The following NRXN2 variants were observed in gnomAD, a reference collection of about 807,000 sequenced individuals.
NRXN2 encodes the protein neurexin-2-beta.
Under a neutral mutation model 128.8 loss-of-function variants are expected in NRXN2, and 29 were observed. The ratio of observed to expected loss-of-function variants is 0.23; its 90% CI spans 0.17 to 0.31. NRXN2 has a LOEUF of 0.31. Among genes scored for constraint, NRXN2 ranks in the 10% least tolerant of loss-of-function variants. The pLI is 1.00. For synonymous variants in NRXN2, 1,098 were observed against 1,075.2 expected, an observed-to-expected ratio of 1.02 and a Z score of -0.41; for missense variants, 1,881 against 2,452.6, an observed-to-expected ratio of 0.77 and a Z score of 4.92.
chr11:64,700,358 C>T (rs919830233), intron 2 of NRXN2, among the ~76,000 whole-genome samples: 22 of 152,148 alleles, frequency 1.4e-4, no homozygotes, highest in African/African-American at 5.1e-4. Context: ...GTGCTTATTC[C>T]CCTGTGCTTA....
intron 17 of NRXN2, among the ~76,000 whole-genome samples, chr11:64,638,224 G>T (rs2045081496): frequency 6.6e-6 from 1 of 152,246 alleles, no homozygotes; most frequent in Non-Finnish European, 1.5e-5. Context: ...TCACACTGCT[G>T]CCAGTTTATT....
intron 22 of NRXN2, among the ~76,000 whole-genome samples, chr11:64,614,814 G>A (rs1020564529): frequency 6.6e-6 from 1 of 152,244 alleles, no homozygotes; most frequent in African/African-American, 2.4e-5. Context: ...GATCACATAT[G>A]GGTCCCCATT....
intron 17 of NRXN2, among the ~76,000 whole-genome samples, chr11:64,643,722 G>A (rs1373841179): frequency 1.3e-5 from 2 of 151,722 alleles, no homozygotes; most frequent in Non-Finnish European, 3.0e-5. Context: ...TGGCTAGCCC[G>A]CTCGGCGCTC....
At chr11:64,712,605 A>C in intron 2 of NRXN2, 2 of 413,136 alleles carry the variant, frequency 4.8e-6, no homozygotes, top group East Asian at 7.5e-5. Context: ...CTGTCCACGC[A>C]GACCCCCACC....
At chr11:64,614,879 T>C (rs2041233023) in intron 22 of NRXN2, among the ~76,000 whole-genome samples, 1 of 152,216 alleles carries the variant, frequency 6.6e-6, no homozygotes, top group Non-Finnish European at 1.5e-5. Flanking sequence ...CCAGACATCA[T>C]GAGCTTTGAG....
intron 6 of NRXN2, among the ~76,000 whole-genome samples, chr11:64,681,663 T>G (rs1340211055): frequency 6.6e-6 from 1 of 152,228 alleles, no homozygotes; most frequent in Non-Finnish European, 1.5e-5. Flanking sequence ...ATAACTTGCC[T>G]AAAAGCACTC....
chr11:64,663,445 C>T (rs1324427877), intron 9 of NRXN2, among the ~76,000 whole-genome samples: 1 of 152,014 alleles, frequency 6.6e-6, no homozygotes, highest in Non-Finnish European at 1.5e-5. Context: ...CCTAGCTTTT[C>T]TCTCCATACA....
At chr11:64,615,188 C>A (rs566391546) in intron 22 of NRXN2, among the ~76,000 whole-genome samples, 1 of 152,382 alleles carries the variant, frequency 6.6e-6, no homozygotes, top group South Asian at 2.1e-4. Context: ...CACTTCACAA[C>A]TCCATGCCGG....
intron 17 of NRXN2, among the ~76,000 whole-genome samples, chr11:64,640,098 C>A (rs2045443211): frequency 6.6e-6 from 1 of 151,594 alleles, no homozygotes; most frequent in Admixed American, 6.6e-5. Context: ...CTATCGCCAT[C>A]CTGGAGCACC....
rs1209622000 is a variant in NRXN2, at chr11:64,685,636, C to T, written c.1152+10G>A. ...TAGCTAATCCCTGGCCTTCTTCTCA[C>T]TCCTCCTACCTGGCGCAGGTTTCGG... On this transcript the variant is annotated intron_variant, in intron 6 of 22. Coordinates refer to ENST00000265459, the MANE Select transcript of NRXN2 (RefSeq NM_015080.4). 7 of 1,614,242 alleles carry T rather than the reference C, an allele frequency of 4.3e-6. No homozygotes were observed. In the Admixed American group the frequency reaches 5.0e-5, roughly 12 times the overall value.
At chr11:64,697,855 C>G in intron 2 of NRXN2, 63 bp from the exon 3 acceptor site, 1 of 1,596,996 alleles carries the variant, frequency 6.3e-7, no homozygotes, top group African/African-American at 1.3e-5. Flanking sequence ...GGGCTGTTAG[C>G]AAAGGTACCA....
intron 18 of NRXN2, among the ~76,000 whole-genome samples, chr11:64,634,150 G>T (rs2044339203): frequency 6.6e-6 from 1 of 152,182 alleles, no homozygotes; most frequent in Non-Finnish European, 1.5e-5. Flanking sequence ...CCTCCTGAAA[G>T]CCAGGGGCCC....
In NRXN2 at chr11:64,712,953, C is replaced by T. The variant is rs1298172848; in HGVS notation, c.730+17G>A. 2.0e-6 allele frequency: 3 copies of T among 1,501,974 alleles called. No homozygotes were observed. Among genetic ancestry groups the T allele is most frequent in the South Asian group, 2.5e-5 (2 of 81,522 alleles). The allele number at this position is 1,501,974 out of a possible 1,614,324, so 93.0% of individuals were successfully genotyped here. A position where few individuals can be genotyped will look rare whatever the true frequency, so the allele number is the denominator to read the frequency against. ...CCCCCGCGCCCAGGCACCGGGCGGC[C>T]GCTCCCCGGGGCTCACCTTCGCTGC... On this transcript the variant is annotated intron_variant, in intron 2 of 22. Transcript: ENST00000265459.
rs1171094767 is a variant in NRXN2, at chr11:64,651,215, G to A, written c.2918+40C>T. 1 of 1,612,440 alleles carries A rather than the reference G, an allele frequency of 6.2e-7. No individual in the cohort carries two copies. Among genetic ancestry groups the A allele is most frequent in the Admixed American group, 1.7e-5 (1 of 60,008 alleles). ...TGTATGTGGTTCAGCAGGGGGAGGG[G>A]GCCACCTCCTTGACAGCAGTGCAAT... On this transcript the variant is annotated intron_variant, in intron 14 of 22. Coordinates refer to ENST00000265459, the MANE Select transcript of NRXN2 (RefSeq NM_015080.4). The surrounding 1 kb of genome is among the most constrained non-coding windows in gnomAD (Gnocchi z 5.9).
At chr11:64,639,897 G>T (rs1354430360) in intron 17 of NRXN2, among the ~76,000 whole-genome samples, 1 of 152,124 alleles carries the variant, frequency 6.6e-6, no homozygotes, top group East Asian at 1.9e-4. Flanking sequence ...TGGTCCTCCA[G>T]CCAAGTGTAG....
intron 14 of NRXN2, among the ~76,000 whole-genome samples, chr11:64,650,923 G>A (rs2047372787): frequency 6.6e-6 from 1 of 152,170 alleles, no homozygotes; most frequent in South Asian, 2.1e-4. Flanking sequence ...AGGGTCCTCT[G>A]GAGGCAGGGA....
In NRXN2 at chr11:64,667,688, C is replaced by T; in HGVS notation, c.1360G>A (p.Val454Met). ...TTGAAGTCATTGTTCTTATAGACCACCTGCAGGGAGGGGTGGGGTCAGGGA... is the reference window on the plus strand; with the variant it reads ...TTGAAGTCATTGTTCTTATAGACCATCTGCAGGGAGGGGTGGGGTCAGGGA... ...SNNFMGCLKD[V>M]VYKNNDFKLE... Residue 454 changes from valine (V) to methionine (M), a missense_variant and splice_region_variant, in exon 9 of 23, where the codon GTG becomes ATG. Val to Met is a conservative substitution (Grantham distance 21). Transcript: ENST00000265459. This position sits in a 1 kb window ranked among gnomAD's most constrained non-coding sequence, Gnocchi z 5.6. 8.7e-6 allele frequency: 14 copies of T among 1,613,996 alleles called. No homozygotes were observed. The highest frequency in any genetic ancestry group is 1.2e-5 in the Non-Finnish European group (14 of 1,180,000).
chr11:64,713,474 C>A lies in NRXN2; in HGVS notation c.226G>T (p.Asp76Tyr). 6.5e-7 allele frequency: 1 copy of A among 1,533,372 alleles called. No homozygotes were observed. Among genetic ancestry groups the A allele is most frequent in the Non-Finnish European group, 8.7e-7 (1 of 1,149,804 alleles). 95.0% of individuals were successfully genotyped at this position (1,533,372 alleles called of 1,614,324 possible). A position where few individuals can be genotyped will look rare whatever the true frequency, so the allele number is the denominator to read the frequency against. Residue 76 changes from aspartate to tyrosine, a missense_variant, in exon 2 of 23, where the codon GAC becomes TAC. By Grantham distance (160) the Asp-to-Tyr change is radical. Coordinates refer to ENST00000265459, the MANE Select transcript of NRXN2 (RefSeq NM_015080.4). Reference protein sequence around the residue: ...LLYLDDGGDCDFLELLLVDGR... With the variant: ...LLYLDDGGDCYFLELLLVDGR... The stretch of plus-strand genomic sequence containing the variant: ...TCCACCAGCAGCAGCTCCAGGAAGT[C>A]GCAGTCGCCGCCGTCGTCCAGGTAG...
chr11:64,701,953 G>T (rs1406281170), intron 2 of NRXN2, among the ~76,000 whole-genome samples: 1 of 145,480 alleles, frequency 6.9e-6, no homozygotes, highest in African/African-American at 2.6e-5. Context: ...GGAGGGAGGT[G>T]GGGGGGTCAG....
Sources: gnomAD v4.1 joint callset for allele counts (sites outside exome capture counted in the v4.1 genomes callset) on GRCh38, gnomAD v4.1.1 for gene constraint, Gnocchi (gnomAD v3.1) non-coding constraint, MANE v1.5 for transcripts, NCBI Gene and HGNC (gene_info 2026-07-23, HGNC 2026-07-21) for gene names.